Variants in GRIK2 observed in about 807,000 individuals in gnomAD.
GRIK2 encodes the protein glutamate receptor ionotropic, kainate 2.
GRIK2 carries 32 observed loss-of-function variants against 100.3 expected under a neutral mutation model. The observed-to-expected ratio is 0.32, with a 90% CI of 0.24 to 0.43. The LOEUF (loss-of-function observed/expected upper bound fraction) is 0.43, where lower values mean the gene tolerates loss of function less well. Among genes scored for constraint, GRIK2 ranks in the 20% least tolerant of loss-of-function variants. GRIK2 has a pLI of 1.00. For synonymous variants in GRIK2, 417 were observed against 389.4 expected (o/e 1.07, Z -0.83); for missense variants, 843 against 1,114.9 (o/e 0.76, Z 3.47).
chr6:101,959,271 C>T (rs1003989387), intron 14 of GRIK2, among the ~76,000 whole-genome samples: 4 of 152,058 alleles, frequency 2.6e-5, no homozygotes, highest in African/African-American at 4.8e-5. Flanking sequence ...TTTTTCATTA[C>T]TGATTCAATG....
At chr6:101,440,060 G>C (rs1769957681) in intron 2 of GRIK2, among the ~76,000 whole-genome samples, 1 of 152,094 alleles carries the variant, frequency 6.6e-6, no homozygotes, top group African/African-American at 2.4e-5. Context: ...AAAAAAGTTA[G>C]TAAGTGCCAA....
In GRIK2 at chr6:101,752,342, C is replaced by G. The variant is rs567017200; in HGVS notation, c.952-47306C>G. Among the ~76,000 whole-genome samples, 170 of 152,066 alleles carry G rather than the reference C, an allele frequency of 1.1e-3. 1 individual carries two copies. The highest frequency in any genetic ancestry group is 3.9e-3 in the African/African-American group (161 of 41,472). Reference sequence around the variant, plus strand: ...TATTAACACGATTTTCCAGAATTATCTTGTATATATTTTTGCCCCAGCCCT... The same window carrying G: ...TATTAACACGATTTTCCAGAATTATGTTGTATATATTTTTGCCCCAGCCCT... On this transcript the variant is annotated intron_variant, in intron 7 of 16. Transcript: ENST00000369134.
intron 12 of GRIK2, among the ~76,000 whole-genome samples, chr6:101,908,738 A>T (rs1049919501): frequency 1.3e-5 from 2 of 151,406 alleles, no homozygotes; most frequent in African/African-American, 4.8e-5. Flanking sequence ...TCAAGTAAAA[A>T]TATTTCTATG....
At chr6:101,490,934 T>C (rs985730228) in intron 2 of GRIK2, among the ~76,000 whole-genome samples, 4 of 138,204 alleles carry the variant, frequency 2.9e-5, no homozygotes, top group African/African-American at 1.1e-4. Context: ...CATGCATGCG[T>C]GCACATACAC....
chr6:101,491,805 T>G (rs1773126990), intron 2 of GRIK2, among the ~76,000 whole-genome samples: 1 of 152,014 alleles, frequency 6.6e-6, no homozygotes, highest in Admixed American at 6.6e-5. Flanking sequence ...CATTCAGATT[T>G]CCCTGGGTGA....
intron 14 of GRIK2, among the ~76,000 whole-genome samples, chr6:101,947,793 A>G (rs1172070138): frequency 6.6e-6 from 1 of 152,194 alleles, no homozygotes; most frequent in Non-Finnish European, 1.5e-5. Flanking sequence ...GTAATCTTTC[A>G]GACATTAGTA....
At chr6:101,620,822 G>C (rs1186282196) in intron 2 of GRIK2, among the ~76,000 whole-genome samples, 2 of 152,094 alleles carry the variant, frequency 1.3e-5, no homozygotes, top group Non-Finnish European at 2.9e-5. Context: ...AACCAACAAT[G>C]ATTCTTTTGG....
chr6:101,856,881 G>A (rs1784452197), intron 10 of GRIK2, among the ~76,000 whole-genome samples: 1 of 152,152 alleles, frequency 6.6e-6, no homozygotes, highest in South Asian at 2.1e-4. Context: ...TAAGAGATCA[G>A]CTGTATTGGA....
intron 10 of GRIK2, among the ~76,000 whole-genome samples, chr6:101,825,096 G>A (rs1413869037): frequency 6.6e-6 from 1 of 152,082 alleles, no homozygotes; most frequent in African/African-American, 2.4e-5. Flanking sequence ...ATTTGGGCTT[G>A]GAAACCCAGA....
intron 4 of GRIK2, among the ~76,000 whole-genome samples, chr6:101,665,362 GTTGT>G (rs1447302095): frequency 2.6e-5 from 4 of 152,154 alleles, no homozygotes; most frequent in Admixed American, 1.3e-4. Flanking sequence ...GAAAAGACTG[GTTGT>G]TTGGAATCAC....
At chr6:101,864,619 A>G (rs754873337) in intron 11 of GRIK2, among the ~76,000 whole-genome samples, 14 of 152,154 alleles carry the variant, frequency 9.2e-5, no homozygotes, top group Non-Finnish European at 1.5e-4. Context: ...GCAAATAGGA[A>G]ATACTCAAGA....
chr6:101,585,705 A>G (rs2128304642), intron 2 of GRIK2, among the ~76,000 whole-genome samples: 1 of 152,260 alleles, frequency 6.6e-6, no homozygotes, highest in East Asian at 1.9e-4. Flanking sequence ...AATTGGAACC[A>G]GGTGGAAAAA....
intron 7 of GRIK2, among the ~76,000 whole-genome samples, chr6:101,765,166 G>A (rs2128394255): frequency 6.6e-6 from 1 of 152,176 alleles, no homozygotes; most frequent in South Asian, 2.1e-4. Context: ...TTCAGTTAGT[G>A]TTTTTTGTAT....
At chr6:101,944,157 G>A (rs1791130979) in intron 14 of GRIK2, among the ~76,000 whole-genome samples, 1 of 152,160 alleles carries the variant, frequency 6.6e-6, no homozygotes, top group Admixed American at 6.5e-5. Flanking sequence ...TGTAAGGCAT[G>A]TCTTGCTTCC....
chr6:101,493,258 A>C (rs1773238845), intron 2 of GRIK2, among the ~76,000 whole-genome samples: 1 of 152,104 alleles, frequency 6.6e-6, no homozygotes, highest in Non-Finnish European at 1.5e-5. Flanking sequence ...CAAAAGGCGC[A>C]AATTCTCAAA....
intron 11 of GRIK2, among the ~76,000 whole-genome samples, chr6:101,860,425 GA>G (rs1467651054): frequency 6.6e-6 from 1 of 152,128 alleles, no homozygotes; most frequent in Non-Finnish European, 1.5e-5. Context: ...GAATATTTAT[GA>G]AAGGAGAAAC....
chr6:101,981,317 A>C (rs1793702189), intron 14 of GRIK2, among the ~76,000 whole-genome samples: 1 of 152,024 alleles, frequency 6.6e-6, no homozygotes, highest in Non-Finnish European at 1.5e-5. Flanking sequence ...TGAAATCATG[A>C]TATAAGGCAG....
At chr6:101,747,333 G>A (rs1776480018) in intron 7 of GRIK2, among the ~76,000 whole-genome samples, 2 of 152,170 alleles carry the variant, frequency 1.3e-5, no homozygotes, top group Admixed American at 6.5e-5. Flanking sequence ...CAGCAGGCAT[G>A]GATAGTTGTC....
chr6:101,798,012 CCTATTTTGGTCATTCAGTAGATTTCCACT>C (rs1780427834), intron 7 of GRIK2, among the ~76,000 whole-genome samples: 1 of 149,392 alleles, frequency 6.7e-6, no homozygotes, highest in Non-Finnish European at 1.5e-5. Context: ...TAGAAATTTC[CCTATTTTGGTCATTCAGTAGATTTCCACT>C]CTTTTTTTTT....
Sources: gnomAD v4.1 joint callset for allele counts (sites outside exome capture counted in the v4.1 genomes callset) on GRCh38, gnomAD v4.1.1 for gene constraint, MANE v1.5 for transcripts, NCBI Gene and HGNC (gene_info 2026-07-23, HGNC 2026-07-21) for gene names.